The following PIPOX variants were observed in gnomAD, a reference collection of about 807,000 sequenced individuals.
PIPOX encodes peroxisomal sarcosine oxidase.
PIPOX carries 45 observed loss-of-function variants against 47.9 expected under a neutral mutation model. The observed-to-expected ratio is 0.94, with a 90% CI of 0.74 to 1.20. The LOEUF (loss-of-function observed/expected upper bound fraction) is 1.20, where lower values mean the gene tolerates loss of function less well. Among genes scored for constraint, PIPOX ranks in the 50% most tolerant of loss-of-function variants. The pLI is 0.00. For synonymous variants in PIPOX, 165 were observed against 191.3 expected, an observed-to-expected ratio of 0.86 and a Z score of 1.13; for missense variants, 458 against 498.4, an observed-to-expected ratio of 0.92 and a Z score of 0.77.
At chr17:29,044,733 G>T in intron 1 of PIPOX, 126 bp from the exon 2 acceptor site, 1 of 988,346 alleles carries the variant, frequency 1.0e-6, no homozygotes, top group African/African-American at 1.6e-5. Flanking sequence ...TCCTTCCCCA[G>T]ATTGTGTGGA....
intron 2 of PIPOX, chr17:29,051,887 C>T (rs2065807751): frequency 1.1e-5 from 5 of 467,078 alleles, no homozygotes; most frequent in Middle Eastern, 6.3e-4. Flanking sequence ...GTGCCAACTA[C>T]AAAAATGGAT....
chr17:29,045,025 T>C lies in PIPOX; in HGVS notation c.263+18T>C, dbSNP rs1163573670. 22 of 1,577,356 alleles carry C rather than the reference T, an allele frequency of 1.4e-5. No homozygotes were observed. Among genetic ancestry groups the C allele is most frequent in the Non-Finnish European group, 1.9e-5 (22 of 1,160,036 alleles). On this transcript the variant is annotated intron_variant, in intron 2 of 7. Coordinates refer to ENST00000323372, the MANE Select transcript of PIPOX (RefSeq NM_016518.3). ...TTGCACAGGTGGGCTGTGGGAGGAA[T>C]TCCTTGAATCGTGGGGCTCTGCACC... is the stretch of plus-strand genomic sequence containing the variant.
chr17:29,053,620 G>A, intron 4 of PIPOX, 25 bp downstream of exon 4: 1 of 1,546,550 alleles, frequency 6.5e-7, no homozygotes, highest in African/African-American at 1.4e-5. Context: ...AAGCCCGAGA[G>A]TTGGTGCTCA....
At chr17:29,045,707 C>T (rs1294877543) in intron 2 of PIPOX, among the ~76,000 whole-genome samples, 1 of 152,044 alleles carries the variant, frequency 6.6e-6, no homozygotes, top group Admixed American at 6.5e-5. Flanking sequence ...CCGTGCCTGG[C>T]CCAGGATTCT....
chr17:29,054,996 C>T lies in PIPOX; in HGVS notation c.808-67C>T, dbSNP rs11869504. The stretch of plus-strand genomic sequence containing the variant: ...TGGGGCTGTCCTGTGTACACGCCTG[C>T]CCTTCGGCTGTGGGTGTGTGTGGAA... On this transcript the variant is annotated intron_variant, in intron 5 of 7. Coordinates refer to ENST00000323372, the MANE Select transcript of PIPOX (RefSeq NM_016518.3). 8.9e-3 allele frequency: 14,122 copies of T among 1,591,164 alleles called. 237 individuals carry two copies. The highest frequency in any genetic ancestry group is 0.065 in the African/African-American group (4,820 of 74,700).
At chr17:29,056,070 A>T (rs1160495267) in intron 7 of PIPOX, 105 bp from the exon 8 acceptor site, 4 of 1,474,222 alleles carry the variant, frequency 2.7e-6, no homozygotes, top group East Asian at 4.5e-5. Context: ...TGGCTTTGGG[A>T]TGTGACCAGG....
At chr17:29,046,797 C>G (rs1410634328) in intron 2 of PIPOX, 1 of 967,260 alleles carries the variant, frequency 1.0e-6, no homozygotes, top group African/African-American at 1.8e-5. Context: ...CTCTAAATCT[C>G]AGCTCTGACA....
In PIPOX at chr17:29,054,589, G is replaced by A. The variant is rs530449930; in HGVS notation, c.705G>A (p.Gly235=). 1.1e-5 allele frequency: 18 copies of A among 1,614,214 alleles called. No homozygotes were observed. The African/African-American group carries it at 2.4e-4, about 22-fold the overall frequency. Residue 235 remains glycine, a synonymous_variant, in exon 5 of 8, where the codon GGG becomes GGA. Coordinates refer to ENST00000323372, the MANE Select transcript of PIPOX (RefSeq NM_016518.3). The stretch of plus-strand genomic sequence containing the variant: ...GTTACTGGCGAGAGATGGTTCCTGG[G>A]AGCTATGGTGTGTCCCAGGCCTTTC... ...NVCYWREMVP[G]SYGVSQAFPC...
intron 2 of PIPOX, 136 bp from the exon 3 acceptor site, chr17:29,052,784 C>A: frequency 1.4e-6 from 1 of 720,380 alleles, no homozygotes. Context: ...GCCCAGGCTG[C>A]TAGTGAACAA....
Position 29,043,254 on chromosome 17 carries a change from C to A in PIPOX, c.29C>A (p.Ala10Asp). ...GCGGCTCAGAAAGATCTCTGGGACG[C>A]CATTGTGATTGGGGCGGGGATCCAG... is the stretch of plus-strand genomic sequence containing the variant. MAAQKDLWD[A>D]IVIGAGIQGC... Residue 10 changes from alanine (A) to aspartate (D), a missense_variant, in exon 1 of 8, where the codon GCC becomes GAC. Ala to Asp is a moderately radical substitution (Grantham distance 126, BLOSUM62 -2). Coordinates refer to ENST00000323372, the MANE Select transcript of PIPOX (RefSeq NM_016518.3). 1 of 1,613,384 alleles carries A rather than the reference C, an allele frequency of 6.2e-7. No individual in the cohort carries two copies. Among genetic ancestry groups the A allele is most frequent in the Non-Finnish European group, 8.5e-7 (1 of 1,179,540 alleles).
At chr17:29,048,008 C>T (rs2065791890) in intron 2 of PIPOX, among the ~76,000 whole-genome samples, 1 of 152,210 alleles carries the variant, frequency 6.6e-6, no homozygotes. Flanking sequence ...CTCTAGAGTG[C>T]TAAGTATTCT....
At chr17:29,045,104 A>G in intron 2 of PIPOX, 97 bp downstream of exon 2, 2 of 1,350,562 alleles carry the variant, frequency 1.5e-6, no homozygotes, top group Non-Finnish European at 2.0e-6. Flanking sequence ...TTGGAATGCA[A>G]TGGGAGGGAC....
Position 29,053,475 on chromosome 17 carries a change from AGGGCTACT to A in PIPOX, c.543_550del (p.Leu182HisfsTer12). On this transcript the variant is annotated frameshift_variant, in exon 4 of 8. Coordinates refer to ENST00000323372, the MANE Select transcript of PIPOX (RefSeq NM_016518.3). LOFTEE classifies it high-confidence loss of function. ...GAGAGAAGGTGGTGGAGATAAACCC[AGGGCTACT>A]GGTCACGGTGAAAACCACCTCCAGG... 6.2e-7 allele frequency: 1 copy of A among 1,614,208 alleles called. No individual in the cohort carries two copies. The highest frequency in any genetic ancestry group is 8.5e-7 in the Non-Finnish European group (1 of 1,180,006).
At chr17:29,055,733 A>T (rs2065825130) in intron 6 of PIPOX, 80 bp from the exon 7 acceptor site, 1 of 1,187,538 alleles carries the variant, frequency 8.4e-7, no homozygotes, top group Non-Finnish European at 1.3e-6. Context: ...AATCCAGCCC[A>T]TCCCCTTCCA....
At chr17:29,047,096 G>T (rs1307672798) in intron 2 of PIPOX, among the ~76,000 whole-genome samples, 1 of 152,144 alleles carries the variant, frequency 6.6e-6, no homozygotes, top group African/African-American at 2.4e-5. Context: ...AAACCAGCCT[G>T]GCCAACATGG....
intron 2 of PIPOX, among the ~76,000 whole-genome samples, chr17:29,045,646 T>C (rs1414338832): frequency 2.6e-5 from 4 of 152,032 alleles, no homozygotes; most frequent in Non-Finnish European, 5.9e-5. Flanking sequence ...CTCGACCTCA[T>C]GATCTGCCCT....
chr17:29,049,555 G>A (rs2065797803), intron 2 of PIPOX, among the ~76,000 whole-genome samples: 1 of 152,136 alleles, frequency 6.6e-6, no homozygotes, highest in South Asian at 2.1e-4. Context: ...GGGAGGAAAA[G>A]GCCCATTCTC....
At chr17:29,054,797 A>C in intron 5 of PIPOX, 106 bp downstream of exon 5, 3 of 1,318,178 alleles carry the variant, frequency 2.3e-6, no homozygotes, top group Non-Finnish European at 3.1e-6. Flanking sequence ...GGCCAGCAGC[A>C]GGAGCCTGCT....
Position 29,043,340 on chromosome 17 carries a change from G to A in PIPOX, c.114+1G>A. The A allele has an allele frequency of 1.2e-6, 2 of 1,605,780 alleles. No individual in the cohort carries two copies. The highest frequency in any genetic ancestry group is 1.7e-6 in the Non-Finnish European group (2 of 1,172,602). ...GAAGAGGATCCTCCTGCTGGAGCAG[G>A]TACTGTGTCCCTTCTGCACCCCCAG... On this transcript the variant is annotated splice_donor_variant, in intron 1 of 7. Transcript: ENST00000323372. LOFTEE classifies it high-confidence loss of function.
Sources: gnomAD v4.1 joint callset for allele counts (sites outside exome capture counted in the v4.1 genomes callset) on GRCh38, gnomAD v4.1.1 for gene constraint, MANE v1.5 for transcripts, NCBI Gene and HGNC (gene_info 2026-07-23, HGNC 2026-07-21) for gene names.